MTOR: variants seen among roughly 807,000 people sequenced by gnomAD.
MTOR encodes the protein serine/threonine-protein kinase mTOR.
MTOR carries 70 observed loss-of-function variants against 319.8 expected under a neutral mutation model. The ratio of observed to expected loss-of-function variants is 0.22; its 90% confidence interval spans 0.18 to 0.27. The LOEUF is 0.27. MTOR is among the 10% of genes least tolerant of loss of function. The pLI is 1.00. For missense variants in MTOR, 1,890 were observed against 3,274.4 expected (o/e 0.58, Z 10.32); for synonymous variants, 1,183 against 1,211.4 (o/e 0.98, Z 0.49).
In MTOR at chr1:11,115,465, G is replaced by A. The variant is rs759942283; in HGVS notation, c.7020C>T (p.His2340=). 14 of 1,613,930 alleles carry A rather than the reference G, an allele frequency of 8.7e-6. No homozygotes were observed. The highest frequency in any genetic ancestry group is 1.7e-5 in the Admixed American group (1 of 59,990). ...GACGGTCCAGCATCAGGTTGGATGG[G>A]TGTCTTTGAGAAACAGAAGACAGAT... The part of the protein sequence containing the change: ...VGYILGLGDR[H]PSNLMLDRLS... Residue 2340 remains histidine (H), a synonymous_variant, in exon 51 of 58, where the codon CAC becomes CAT. Transcript: ENST00000361445. The surrounding 1 kb of genome is among the most constrained non-coding windows in gnomAD (Gnocchi z 4.5).
chr1:11,175,304 G>A lies in MTOR; in HGVS notation c.4254-7787C>T, dbSNP rs141369800. ...AGAACATGGTGAATCTGGGTATCAG[G>A]GGCAGAAGGAGGCCGCTGTACAGAC... On this transcript the variant is annotated intron_variant, in intron 28 of 57. Coordinates refer to ENST00000361445, the MANE Select transcript of MTOR (RefSeq NM_004958.4). 1.3e-3 allele frequency among the ~76,000 whole-genome samples: 198 copies of A among 152,230 alleles called. 1 individual carries two copies. Among genetic ancestry groups the A allele is most frequent in the African/African-American group, 4.5e-3 (187 of 41,534 alleles).
intron 25 of MTOR, among the ~76,000 whole-genome samples, chr1:11,208,392 G>A (rs1299258541): frequency 3.3e-5 from 5 of 152,278 alleles, no homozygotes; most frequent in South Asian, 2.1e-4. Flanking sequence ...AAAGCTGGGC[G>A]TGAGCCCGTA....
intron 32 of MTOR, among the ~76,000 whole-genome samples, chr1:11,145,644 C>T (rs1307017802): frequency 1.3e-5 from 2 of 152,082 alleles, no homozygotes; most frequent in African/African-American, 2.4e-5. Context: ...GCTGGGGTTA[C>T]AGGCGCCCGC....
chr1:11,249,867 C>T (rs957110446), intron 6 of MTOR, among the ~76,000 whole-genome samples: 18 of 151,386 alleles, frequency 1.2e-4, no homozygotes, highest in Admixed American at 7.3e-4. Flanking sequence ...TTTTCCCCAC[C>T]TTTGCCCCCT....
intron 31 of MTOR, among the ~76,000 whole-genome samples, chr1:11,147,829 A>AT (rs1643988242): frequency 6.6e-6 from 1 of 152,182 alleles, no homozygotes. Flanking sequence ...TCTGGAACAC[A>AT]TATTGATAAT....
intron 29 of MTOR, among the ~76,000 whole-genome samples, chr1:11,158,764 C>T (rs1197798695): frequency 6.6e-6 from 1 of 151,590 alleles, no homozygotes; most frequent in African/African-American, 2.4e-5. Flanking sequence ...GGCATACACT[C>T]AGCATGAACA....
rs28730693 is a variant in MTOR, at chr1:11,243,326, T to C, written c.1226-26A>G. The C allele has an allele frequency of 1.4e-3, 2,260 of 1,608,808 alleles. 46 individuals are homozygous for C. In the East Asian group the frequency reaches 0.041, roughly 29 times the overall value. ...CTGAGCACAGAAAAGACAAAGTAGA[T>C]AGCTCCAGGTCAGGGTTAGGGTCTA... On this transcript the variant is annotated intron_variant, in intron 8 of 57. Coordinates refer to ENST00000361445, the MANE Select transcript of MTOR (RefSeq NM_004958.4).
intron 30 of MTOR, chr1:11,152,543 AAC>A (rs1644183319): frequency 6.6e-6 from 1 of 151,894 alleles, no homozygotes; most frequent in African/African-American, 2.4e-5. Flanking sequence ...CTGTGTGGGG[AAC>A]AGTTTGAGGA....
intron 54 of MTOR, among the ~76,000 whole-genome samples, chr1:11,110,357 C>T (rs1223627521): frequency 2.0e-5 from 3 of 152,094 alleles, no homozygotes. Context: ...TTTTTGAATG[C>T]TGTCCTTGTA....
intron 30 of MTOR, among the ~76,000 whole-genome samples, chr1:11,155,861 T>C (rs1480818478): frequency 6.6e-6 from 1 of 152,166 alleles, no homozygotes; most frequent in African/African-American, 2.4e-5. Flanking sequence ...TAGCAATGAA[T>C]ACACACGTGA....
chr1:11,262,099 A>G (rs1883965), intron 1 of MTOR, among the ~76,000 whole-genome samples: 97,643 of 152,128 alleles, frequency 0.64, 33,373 homozygotes, highest in East Asian at 0.9. Context: ...CACGGACGCT[A>G]GTGTTCCCTG....
chr1:11,200,866 T>G (rs1226597501), intron 26 of MTOR, among the ~76,000 whole-genome samples: 1 of 151,654 alleles, frequency 6.6e-6, no homozygotes, highest in Non-Finnish European at 1.5e-5. Context: ...ATACAAAAAA[T>G]TAGCCGGGCG....
intron 57 of MTOR, 54 bp downstream of exon 57, chr1:11,108,127 G>T: frequency 6.9e-7 from 1 of 1,453,574 alleles, no homozygotes; most frequent in Non-Finnish European, 9.7e-7. Flanking sequence ...TTGGGGCCTA[G>T]GCTTGGGACC....
In MTOR at chr1:11,108,175, A is replaced by G. The variant is rs200829838; in HGVS notation, c.7634+6T>C. The G allele has an allele frequency of 1.9e-5, 30 of 1,611,484 alleles. No homozygotes were observed. The African/African-American group carries it at 3.9e-4, about 21-fold the overall frequency. On this transcript the variant is annotated splice_donor_region_variant and intron_variant, in intron 57 of 57. Coordinates refer to ENST00000361445, the MANE Select transcript of MTOR (RefSeq NM_004958.4). Reference sequence around the variant, plus strand: ...TTAACAAAGTCACTTTGAGAGCCCCACTCACCAGCCAATATAGCACTGGCA... The same window carrying G: ...TTAACAAAGTCACTTTGAGAGCCCCGCTCACCAGCCAATATAGCACTGGCA...
Position 11,248,098 on chromosome 1 carries a change from T to C in MTOR, c.841-4A>G. The C allele has an allele frequency of 6.3e-7, 1 of 1,589,500 alleles. No homozygotes were observed. The highest frequency in any genetic ancestry group is 1.3e-5 in the African/African-American group (1 of 74,142). On this transcript the variant is annotated splice_region_variant and splice_polypyrimidine_tract_variant and intron_variant, in intron 6 of 57. Transcript: ENST00000361445. ...CTTCCATTTCTTCTCTCAGACGCTA[T>C]ATATATGAGGAGGAAAAAAATCATC...
At chr1:11,257,920 G>C (rs7517041) in intron 3 of MTOR, among the ~76,000 whole-genome samples, 83,602 of 151,630 alleles carry the variant, frequency 0.55, 27,011 homozygotes, top group East Asian at 0.78. Context: ...GACCAGCCTG[G>C]CCAACATGGT....
intron 24 of MTOR, among the ~76,000 whole-genome samples, chr1:11,209,860 G>T (rs2016559): frequency 0.65 from 98,746 of 152,022 alleles, 34,160 homozygotes; most frequent in East Asian, 0.91. Context: ...CTATCTAATC[G>T]AACCTATTTA....
intron 19 of MTOR, among the ~76,000 whole-genome samples, chr1:11,218,168 A>T (rs113220478): frequency 0.059 from 8,945 of 152,154 alleles, 369 homozygotes; most frequent in South Asian, 0.12. Context: ...GCGGTGGTTC[A>T]CGCCTGTAAT....
chr1:11,217,179 G>A (rs899509998), intron 19 of MTOR, among the ~76,000 whole-genome samples: 2 of 152,172 alleles, frequency 1.3e-5, no homozygotes, highest in African/African-American at 2.4e-5. Flanking sequence ...GGGATAGGAT[G>A]AGGAGATTCT....
Sources: gnomAD v4.1 joint callset for allele counts (sites outside exome capture counted in the v4.1 genomes callset) on GRCh38, gnomAD v4.1.1 for gene constraint, Gnocchi (gnomAD v3.1) non-coding constraint, MANE v1.5 for transcripts, NCBI Gene and HGNC (gene_info 2026-07-23, HGNC 2026-07-21) for gene names.